Variants in GTF2H3 observed in about 807,000 individuals in gnomAD.
GTF2H3 encodes general transcription factor IIH subunit 3.
In GTF2H3, 42 loss-of-function variants were observed where a neutral mutation model predicts 51.1. The ratio of observed to expected loss-of-function variants is 0.82; its 90% confidence interval spans 0.64 to 1.06. The LOEUF (loss-of-function observed/expected upper bound fraction) is 1.06, where lower values mean the gene tolerates loss of function less well. Ranked by LOEUF, GTF2H3 falls within the 50% of genes least tolerant of loss-of-function variation. GTF2H3 has a pLI of 0.00. For missense variants in GTF2H3, 326 were observed against 366.1 expected (o/e 0.89, Z 0.89); for synonymous variants, 123 against 123.8 (o/e 0.99, Z 0.04).
At chr12:123,646,123 G>A (rs943440955) in intron 3 of GTF2H3, among the ~76,000 whole-genome samples, 1 of 152,188 alleles carries the variant, frequency 6.6e-6, no homozygotes, top group Non-Finnish European at 1.5e-5. Flanking sequence ...ATGGTGCATA[G>A]CCTGCAGCTG....
At chr12:123,635,627 G>T (rs1955271416) in intron 1 of GTF2H3, among the ~76,000 whole-genome samples, 1 of 151,364 alleles carries the variant, frequency 6.6e-6, no homozygotes, top group Non-Finnish European at 1.5e-5. Context: ...TGCCCAGGCT[G>T]GTCTCAAACT....
At chr12:123,653,089 C>T (rs1015808774) in intron 7 of GTF2H3, among the ~76,000 whole-genome samples, 8 of 150,092 alleles carry the variant, frequency 5.3e-5, no homozygotes, top group African/African-American at 1.5e-4. Context: ...AGTGAGACTC[C>T]GTCTCAAAAA....
chr12:123,657,372 C>T (rs1429399118), intron 9 of GTF2H3, among the ~76,000 whole-genome samples: 1 of 152,200 alleles, frequency 6.6e-6, no homozygotes, highest in African/African-American at 2.4e-5. Context: ...ATCTTCCACA[C>T]TCTCCCTCTT....
intron 5 of GTF2H3, among the ~76,000 whole-genome samples, chr12:123,652,199 G>A (rs1349139323): frequency 6.6e-6 from 1 of 152,216 alleles, no homozygotes; most frequent in Non-Finnish European, 1.5e-5. Flanking sequence ...GGAGTTTGAT[G>A]TGGGTTGCCT....
At chr12:123,646,519 C>A (rs766212605) in intron 3 of GTF2H3, among the ~76,000 whole-genome samples, 1 of 152,136 alleles carries the variant, frequency 6.6e-6, no homozygotes, top group Non-Finnish European at 1.5e-5. Flanking sequence ...ACCCCAGCCT[C>A]CCCAAGTGCT....
At chr12:123,650,143 G>C (rs1955502045) in intron 4 of GTF2H3, 1 of 152,258 alleles carries the variant, frequency 6.6e-6, no homozygotes, top group Non-Finnish European at 1.5e-5. Flanking sequence ...TCACCCATGA[G>C]GTGTCAGTTC....
chr12:123,650,994 G>A lies in GTF2H3; in HGVS notation c.365G>A (p.Ser122Asn). ...TTTTAATGTTTTCTGTTATTTGCAG[G>A]TGACATAAAGGGTCAACATACAGAA... is the stretch of plus-strand genomic sequence containing the variant. Reference protein sequence around the residue: ...VEEIKDLMTKSDIKGQHTETL... With the variant: ...VEEIKDLMTKNDIKGQHTETL... The change falls in exon 5 of 13, where the codon AGT (serine) becomes AAT (asparagine). Residue 122 changes from serine (S) to asparagine (N), a missense_variant and splice_region_variant. Coordinates refer to ENST00000543341, the MANE Select transcript of GTF2H3 (RefSeq NM_001516.5). 6.2e-7 allele frequency: 1 copy of A among 1,609,074 alleles called. No homozygotes were observed. Among genetic ancestry groups the A allele is most frequent in the Non-Finnish European group, 8.5e-7 (1 of 1,175,610 alleles).
In GTF2H3 at chr12:123,660,320, G is replaced by A; in HGVS notation, c.*85G>A. 1 of 946,634 alleles carries A rather than the reference G, an allele frequency of 1.1e-6. No individual in the cohort carries two copies. Among genetic ancestry groups the A allele is most frequent in the South Asian group, 1.5e-5 (1 of 65,156 alleles). 58.6% of individuals were successfully genotyped at this position (946,634 alleles called of 1,614,324 possible). A position where few individuals can be genotyped will look rare whatever the true frequency, so the allele number is the denominator to read the frequency against. ...TGTTGGGAAGACTGAAAAAAATAAA[G>A]ATAGGTATAGGATAATTTTTAATAT... On this transcript the variant is annotated 3_prime_UTR_variant, in exon 13 of 13. Coordinates refer to ENST00000543341, the MANE Select transcript of GTF2H3 (RefSeq NM_001516.5).
At chr12:123,659,306 G>A (rs1264398138) in intron 9 of GTF2H3, 2 of 524,700 alleles carry the variant, frequency 3.8e-6, no homozygotes, top group African/African-American at 3.8e-5. Flanking sequence ...GGCAGAGGTT[G>A]GAGTAAGCCG....
intron 4 of GTF2H3, 126 bp downstream of exon 4, chr12:123,648,252 T>A: frequency 1.6e-6 from 1 of 633,934 alleles, no homozygotes; most frequent in Non-Finnish European, 2.6e-6. Context: ...TTAAAAATCA[T>A]TTTCGTCAAA....
At chr12:123,633,993 A>G in intron 1 of GTF2H3, 121 bp downstream of exon 1, 2 of 1,002,700 alleles carry the variant, frequency 2.0e-6, no homozygotes. Flanking sequence ...TTAGAGGAGT[A>G]GCCAAGGCAT....
In GTF2H3 at chr12:123,637,983, TTTTGTTTG is replaced by T. The variant is rs202238371; in HGVS notation, c.14-1257_14-1250del. Among the ~76,000 whole-genome samples the T allele has an allele frequency of 4.2e-4, 64 of 151,528 alleles. 1 individual carries two copies. Among genetic ancestry groups the T allele is most frequent in the Middle Eastern group, 3.4e-3 (1 of 290 alleles). ...CAGGCATTCAGAATGCAGTAGGTGG[TTTTGTTTG>T]TTTGTTTGTTTGTTTGTTTGTTTCC... On this transcript the variant is annotated intron_variant, in intron 1 of 12. Transcript: ENST00000543341.
intron 1 of GTF2H3, among the ~76,000 whole-genome samples, chr12:123,638,541 C>T (rs370929671): frequency 2.6e-4 from 40 of 152,194 alleles, no homozygotes; most frequent in African/African-American, 8.9e-4. Flanking sequence ...AACTTCTGAG[C>T]TCAAGCCATC....
intron 7 of GTF2H3, among the ~76,000 whole-genome samples, chr12:123,653,474 A>T (rs989904414): frequency 1.3e-5 from 2 of 152,090 alleles, no homozygotes; most frequent in African/African-American, 4.8e-5. Flanking sequence ...AACCTGGCTA[A>T]CATGGTGAAA....
rs149957130 is a variant in GTF2H3, at chr12:123,659,582, C to G, written c.682C>G (p.Leu228Val). The G allele has an allele frequency of 1.1e-4, 185 of 1,613,652 alleles. No homozygotes were observed. In the African/African-American group the frequency reaches 2.1e-3, roughly 18 times the overall value. Residue 228 changes from leucine (L) to valine (V), a missense_variant and splice_region_variant, in exon 10 of 13, where the codon CTG (leucine) becomes GTG (valine). Transcript: ENST00000543341. ...GATGCCTTCTCTTCTGCAGTATTTGCTGGTAAGGAGACAGCAGCGGCGACC... is the reference window on the plus strand; with the variant it reads ...GATGCCTTCTCTTCTGCAGTATTTGGTGGTAAGGAGACAGCAGCGGCGACC... ...PQMPSLLQYL[L>V]WVFLPDQDQR... is the part of the protein sequence containing the mutation.
Position 123,660,162 on chromosome 12 carries a change from T to G in GTF2H3, c.858-4T>G. ...AAAAAATGTTTTCCTCTCTGTAATT[T>G]CAGGACAGCCTTTAAAATTTCTCTG... On this transcript the variant is annotated splice_region_variant and splice_polypyrimidine_tract_variant and intron_variant, in intron 12 of 12. Coordinates refer to ENST00000543341, the MANE Select transcript of GTF2H3 (RefSeq NM_001516.5). 1 of 1,610,892 alleles carries G rather than the reference T, an allele frequency of 6.2e-7. No homozygotes were observed. Among genetic ancestry groups the G allele is most frequent in the Non-Finnish European group, 8.5e-7 (1 of 1,178,894 alleles).
chr12:123,650,198 G>C (rs1382851584), intron 4 of GTF2H3: 5 of 152,280 alleles, frequency 3.3e-5, no homozygotes, highest in Non-Finnish European at 7.3e-5. Flanking sequence ...GTCAATCTGA[G>C]CTCCTTGCCC....
intron 9 of GTF2H3, among the ~76,000 whole-genome samples, chr12:123,658,565 C>T (rs1955615271): frequency 6.6e-6 from 1 of 152,144 alleles, no homozygotes; most frequent in African/African-American, 2.4e-5. Flanking sequence ...TTCCTGGGCT[C>T]AAACAGTCCT....
chr12:123,654,825 CTG>C (rs1955566397), intron 7 of GTF2H3, 97 bp from the exon 8 acceptor site: 1 of 795,226 alleles, frequency 1.3e-6, no homozygotes. Flanking sequence ...GGAAGACAAA[CTG>C]GAATAATGTT....
Sources: allele counts gnomAD v4.1 joint callset (sites outside exome capture counted in the v4.1 genomes callset), GRCh38; gene constraint gnomAD v4.1.1; transcripts MANE v1.5; gene names NCBI Gene and HGNC (gene_info 2026-07-23, HGNC 2026-07-21).